Variants in SKIC3 observed in about 807,000 individuals in gnomAD.
SKIC3 encodes the protein SKI3 subunit of superkiller complex.
At chr5:95,471,365 G>A in the SKIC3 span, among the ~76,000 whole-genome samples, 5 of 152,058 alleles carry the variant, frequency 3.3e-5, no homozygotes, top group African/African-American at 9.7e-5. Context: ...TATATACCTG[G>A]CATATTAAAC....
the SKIC3 span, among the ~76,000 whole-genome samples, chr5:95,498,214 A>C: frequency 6.6e-6 from 1 of 152,174 alleles, no homozygotes; most frequent in Non-Finnish European, 1.5e-5. Flanking sequence ...TAATATATAC[A>C]GTCAGTTACC....
the SKIC3 span, among the ~76,000 whole-genome samples, chr5:95,541,041 A>T: frequency 2.0e-5 from 3 of 152,174 alleles, no homozygotes; most frequent in Admixed American, 2.0e-4. Flanking sequence ...ATCTCGGCTT[A>T]CCACAACATC....
the SKIC3 span, among the ~76,000 whole-genome samples, chr5:95,473,172 C>T: frequency 6.6e-6 from 1 of 152,174 alleles, no homozygotes; most frequent in Non-Finnish European, 1.5e-5. Flanking sequence ...GAGATATCTA[C>T]AAACTGCTTT....
chr5:95,528,944 T>A, the SKIC3 span: 2 of 1,449,410 alleles, frequency 1.4e-6, no homozygotes, highest in Non-Finnish European at 9.7e-7. Context: ...TCCTTTAAGA[T>A]AAAAACAAAT....
chr5:95,518,210 T>C, the SKIC3 span, among the ~76,000 whole-genome samples: 1 of 152,128 alleles, frequency 6.6e-6, no homozygotes, highest in African/African-American at 2.4e-5. Context: ...ACTATATATA[T>C]TGATGAGGTA....
chr5:95,505,889 T>C, the SKIC3 span, among the ~76,000 whole-genome samples: 1 of 152,110 alleles, frequency 6.6e-6, no homozygotes, highest in Non-Finnish European at 1.5e-5. Flanking sequence ...TGGTGACTTT[T>C]CATTAAATGA....
chr5:95,551,405 GAA>G, the SKIC3 span, among the ~76,000 whole-genome samples: 1 of 152,070 alleles, frequency 6.6e-6, no homozygotes, highest in African/African-American at 2.4e-5. Flanking sequence ...AACAAGGAAT[GAA>G]AAGTTTCCCT....
the SKIC3 span, among the ~76,000 whole-genome samples, chr5:95,551,054 T>C: frequency 6.6e-6 from 1 of 152,124 alleles, no homozygotes; most frequent in Non-Finnish European, 1.5e-5. Flanking sequence ...TTACACCCAA[T>C]TTGCAGCCTA....
At chr5:95,473,156 T>A in the SKIC3 span, among the ~76,000 whole-genome samples, 2 of 152,208 alleles carry the variant, frequency 1.3e-5, no homozygotes, top group African/African-American at 4.8e-5. Flanking sequence ...ATGGTAGCTT[T>A]AAGTTGAGAT....
the SKIC3 span, chr5:95,484,642 T>C: frequency 1.9e-6 from 3 of 1,593,424 alleles, no homozygotes; most frequent in East Asian, 2.2e-5. Flanking sequence ...CCACCGCATC[T>C]AGCCTCATAC....
At chr5:95,534,589 A>G in the SKIC3 span, among the ~76,000 whole-genome samples, 1 of 152,138 alleles carries the variant, frequency 6.6e-6, no homozygotes, top group African/African-American at 2.4e-5. Context: ...CAATCTGTCA[A>G]GACAGACCAT....
the SKIC3 span, among the ~76,000 whole-genome samples, chr5:95,472,308 G>A: frequency 6.6e-6 from 1 of 151,972 alleles, no homozygotes; most frequent in South Asian, 2.1e-4. Context: ...CCTACCCTTG[G>A]GATTAATCTA....
chr5:95,490,836 G>A, the SKIC3 span: 242 of 1,586,906 alleles, frequency 1.5e-4, no homozygotes, highest in African/African-American at 1.8e-3. Flanking sequence ...TGCTGAAGCC[G>A]TTTGTATTCT....
chr5:95,521,324 A>AG, the SKIC3 span: 1 of 155,474 alleles, frequency 6.4e-6, no homozygotes, highest in African/African-American at 2.4e-5. Context: ...TTAAAAAAAA[A>AG]GTTTCAAGCC....
At chr5:95,509,568 A>G in the SKIC3 span, 32 of 1,520,462 alleles carry the variant, frequency 2.1e-5, no homozygotes, top group Admixed American at 2.2e-4. Flanking sequence ...TTCCTCCTGC[A>G]TCTATCACAA....
chr5:95,489,774 C>T, the SKIC3 span, among the ~76,000 whole-genome samples: 44 of 152,048 alleles, frequency 2.9e-4, 1 homozygote, highest in Admixed American at 2.6e-3. Context: ...ATTGTCAATG[C>T]GGATAAAAAA....
chr5:95,510,331 T>C, the SKIC3 span, among the ~76,000 whole-genome samples: 1 of 152,332 alleles, frequency 6.6e-6, no homozygotes, highest in Admixed American at 6.5e-5. Flanking sequence ...GTTTATAGTT[T>C]ATAGTTTGAA....
chr5:95,545,443 C>A, the SKIC3 span, among the ~76,000 whole-genome samples: 1 of 152,140 alleles, frequency 6.6e-6, no homozygotes, highest in Non-Finnish European at 1.5e-5. Context: ...CTCCCTACCA[C>A]TCTCCTAAAT....
the SKIC3 span, chr5:95,530,327 T>A: frequency 7.2e-7 from 1 of 1,379,900 alleles, no homozygotes; most frequent in South Asian, 1.2e-5. Flanking sequence ...TATATTCTTA[T>A]GCATTCTTCA....
Sources: allele counts gnomAD v4.1 joint callset (sites outside exome capture counted in the v4.1 genomes callset), GRCh38; gene constraint gnomAD v4.1.1; transcripts MANE v1.5; gene names NCBI Gene and HGNC (gene_info 2026-07-23, HGNC 2026-07-21).